The following PTPRN2 variants were observed in gnomAD, a reference collection of about 807,000 sequenced individuals.
PTPRN2 encodes receptor-type tyrosine-protein phosphatase N2.
A neutral mutation model predicts 118.8 loss-of-function variants in PTPRN2; 74 were observed. The ratio of observed to expected loss-of-function variants is 0.62; its 90% CI spans 0.52 to 0.76. PTPRN2 has a LOEUF of 0.76. Ranked by LOEUF, PTPRN2 falls within the 30% of genes least tolerant of loss-of-function variation. The pLI is 0.00. For synonymous variants in PTPRN2, 641 were observed against 608.0 expected (o/e 1.05, Z -0.80); for missense variants, 1,481 against 1,394.4 (o/e 1.06, Z -0.99).
At chr7:158,260,124 C>T (rs1285195786) in intron 3 of PTPRN2, among the ~76,000 whole-genome samples, 2 of 152,182 alleles carry the variant, frequency 1.3e-5, no homozygotes, top group Non-Finnish European at 2.9e-5. Flanking sequence ...ACCAGAACGC[C>T]TGCATGCCTA....
At chr7:157,883,564 A>C (rs1796286209) in intron 12 of PTPRN2, among the ~76,000 whole-genome samples, 2 of 151,452 alleles carry the variant, frequency 1.3e-5, no homozygotes, top group South Asian at 4.2e-4. Flanking sequence ...CAGAGAACAG[A>C]ACACACCACC....
intron 11 of PTPRN2, among the ~76,000 whole-genome samples, chr7:157,949,176 A>T (rs79705708): frequency 0.011 from 1,646 of 152,292 alleles, 13 homozygotes; most frequent in Middle Eastern, 0.048. Flanking sequence ...AAGATAAGGG[A>T]TATATGCTGT....
rs983146453 is a variant in PTPRN2, at chr7:157,845,547, A to G, written c.1788+53126T>C. Among the ~76,000 whole-genome samples the G allele has an allele frequency of 2.0e-5, 3 of 152,174 alleles. No homozygotes were observed. The highest frequency in any genetic ancestry group is 4.8e-5 in the African/African-American group (2 of 41,448). ...CCGGCCACATCCCGGTGAACCATGC[A>G]GCCTAACTCACCACGTTCCCGGCCA... On this transcript the variant is annotated intron_variant, in intron 12 of 22. Coordinates refer to ENST00000389418, the MANE Select transcript of PTPRN2 (RefSeq NM_002847.5). The surrounding 1 kb of genome is among the most constrained non-coding windows in gnomAD (Gnocchi z 4.5).
intron 1 of PTPRN2, among the ~76,000 whole-genome samples, chr7:158,540,915 C>G (rs1825952119): frequency 6.6e-6 from 1 of 152,334 alleles, no homozygotes; most frequent in East Asian, 1.9e-4. Flanking sequence ...CAGTATTTAC[C>G]GAGCGCCAAG....
At position 158,587,637 on chromosome 7, in the gene PTPRN2, T is replaced by TAGCAGC; in HGVS notation, c.27_32dup (p.Leu14_Leu15dup). 2 of 1,363,170 alleles carry TAGCAGC rather than the reference T, an allele frequency of 1.5e-6. No homozygotes were observed. Among genetic ancestry groups the TAGCAGC allele is most frequent in the Non-Finnish European group, 1.9e-6 (2 of 1,060,808 alleles). The allele number at this position is 1,363,170 out of a possible 1,614,324, so 84.4% of individuals were successfully genotyped here. Reference sequence around the variant, plus strand: ...GGACGCGTGGCGGCAGCAGCAGCAGTAGCAGCAGCAGCAGCGGGAGCGGCG... The same window carrying TAGCAGC: ...GGACGCGTGGCGGCAGCAGCAGCAGTAGCAGCAGCAGCAGCAGCAGCGGGAGCGGCG... On this transcript the variant is annotated inframe_insertion, in exon 1 of 23. Transcript: ENST00000389418.
At chr7:157,595,598 AGGAAG>A (rs1801276998) in intron 16 of PTPRN2, among the ~76,000 whole-genome samples, 46 of 144,520 alleles carry the variant, frequency 3.2e-4, no homozygotes, top group African/African-American at 9.1e-4. Flanking sequence ...CCTGGTGTTT[AGGAAG>A]CCCGGAGGTT....
At chr7:158,275,375 A>C (rs1798893029) in intron 3 of PTPRN2, among the ~76,000 whole-genome samples, 1 of 151,790 alleles carries the variant, frequency 6.6e-6, no homozygotes, top group African/African-American at 2.4e-5. Flanking sequence ...TGGCAGACCC[A>C]CTCTGTTTTT....
chr7:157,693,524 C>A (rs1050741422), intron 12 of PTPRN2, among the ~76,000 whole-genome samples: 25 of 152,096 alleles, frequency 1.6e-4, no homozygotes, highest in African/African-American at 5.3e-4. Flanking sequence ...GGTCGCAGGG[C>A]CTTGGGGCAC....
At chr7:157,951,531 G>T (rs561688102) in intron 11 of PTPRN2, among the ~76,000 whole-genome samples, 1 of 152,258 alleles carries the variant, frequency 6.6e-6, no homozygotes, top group African/African-American at 2.4e-5. Flanking sequence ...GCTCCATCAC[G>T]GTCTCTGGGA....
chr7:158,318,275 G>A (rs149891520), intron 2 of PTPRN2, among the ~76,000 whole-genome samples: 16 of 152,342 alleles, frequency 1.1e-4, no homozygotes, highest in African/African-American at 3.8e-4. Context: ...GGGGGAGGAG[G>A]GAGAAAGGGG....
intron 11 of PTPRN2, among the ~76,000 whole-genome samples, chr7:158,001,039 T>G (rs376239553): frequency 0.21 from 46 of 216 alleles, 18 homozygotes; most frequent in South Asian, 0.5. Flanking sequence ...GTGGGGTGCA[T>G]GGTGGGGGCT....
chr7:158,043,437 G>A (rs1585257618), intron 11 of PTPRN2, among the ~76,000 whole-genome samples: 1 of 150,362 alleles, frequency 6.7e-6, no homozygotes, highest in African/African-American at 2.5e-5. Context: ...GGGACAGGAG[G>A]ATCAGGGATC....
intron 2 of PTPRN2, among the ~76,000 whole-genome samples, chr7:158,325,109 G>A (rs1478274104): frequency 2.0e-5 from 3 of 149,830 alleles, no homozygotes; most frequent in African/African-American, 5.0e-5. Flanking sequence ...TCTCCCCAGA[G>A]ATCCACAGGG....
intron 14 of PTPRN2, among the ~76,000 whole-genome samples, chr7:157,644,752 A>AC (rs1488053250): frequency 6.6e-6 from 1 of 151,710 alleles, no homozygotes; most frequent in African/African-American, 2.4e-5. Flanking sequence ...CCGAGATCAC[A>AC]CCATTGCACT....
Position 157,619,684 on chromosome 7 carries a change from G to C in PTPRN2, c.2344+1678C>G, listed in dbSNP as rs995095724. Among the ~76,000 whole-genome samples the C allele has an allele frequency of 6.6e-6, 1 of 152,222 alleles. No homozygotes were observed. The highest frequency in any genetic ancestry group is 6.5e-5 in the Admixed American group (1 of 15,288). On this transcript the variant is annotated intron_variant, in intron 15 of 22. Coordinates refer to ENST00000389418, the MANE Select transcript of PTPRN2 (RefSeq NM_002847.5). The surrounding 1 kb of genome is among the most constrained non-coding windows in gnomAD (Gnocchi z 5.3). Reference sequence around the variant, plus strand: ...GGTAGCAAGAAGCGTGCACCCAGCTGGGTGAATGGGATTTTACACAGGTCT... The same window carrying C: ...GGTAGCAAGAAGCGTGCACCCAGCTCGGTGAATGGGATTTTACACAGGTCT...
In PTPRN2 at chr7:158,022,260, A is replaced by G. The variant is rs73169786; in HGVS notation, c.1723+59038T>C. Reference sequence around the variant, plus strand: ...TTACTTTCCCCATTGCTGACCCTACAGCATGATGACTCCGTTTCCTACACG... The same window carrying G: ...TTACTTTCCCCATTGCTGACCCTACGGCATGATGACTCCGTTTCCTACACG... On this transcript the variant is annotated intron_variant, in intron 11 of 22. Transcript: ENST00000389418. This position sits in a 1 kb window ranked among gnomAD's most constrained non-coding sequence, Gnocchi z 4.6. Among the ~76,000 whole-genome samples, 29,208 of 152,196 alleles carry G rather than the reference A, an allele frequency of 0.19. 2,890 individuals carry two copies. Among genetic ancestry groups the G allele is most frequent in the Admixed American group, 0.25 (3,858 of 15,298 alleles).
chr7:158,192,301 G>A (rs995776078), intron 5 of PTPRN2, 26 bp downstream of exon 5: 28 of 1,446,412 alleles, frequency 1.9e-5, no homozygotes, highest in Non-Finnish European at 2.4e-5. Flanking sequence ...GCCAACCCCG[G>A]CCCGGGGAGG....
In PTPRN2 at chr7:157,602,101, C is replaced by T. The variant is rs565400648; in HGVS notation, c.2418+1901G>A. Among the ~76,000 whole-genome samples the T allele has an allele frequency of 6.6e-5, 10 of 152,316 alleles. No homozygotes were observed. In the South Asian group the frequency reaches 2.1e-3, roughly 32 times the overall value. Reference sequence around the variant, plus strand: ...GGAAGATGAATGAGGATCTTTGAAACCCACACGGAACCAAGCTTGGGAGTC... The same window carrying T: ...GGAAGATGAATGAGGATCTTTGAAATCCACACGGAACCAAGCTTGGGAGTC... On this transcript the variant is annotated intron_variant, in intron 16 of 22. Transcript: ENST00000389418.
At chr7:158,446,627 A>T (rs1402813808) in intron 2 of PTPRN2, among the ~76,000 whole-genome samples, 2 of 152,274 alleles carry the variant, frequency 1.3e-5, no homozygotes, top group Non-Finnish European at 2.9e-5. Flanking sequence ...GCAGCTTGAA[A>T]ATCCAATGGT....
Sources: allele counts gnomAD v4.1 joint callset (sites outside exome capture counted in the v4.1 genomes callset), GRCh38; gene constraint gnomAD v4.1.1; non-coding constraint Gnocchi (gnomAD v3.1); transcripts MANE v1.5; gene names NCBI Gene and HGNC (gene_info 2026-07-23, HGNC 2026-07-21).